DYNC2LI1: variants seen among roughly 807,000 people sequenced by gnomAD.
DYNC2LI1 encodes the protein dynein cytoplasmic 2 light intermediate chain 1, also known as cytoplasmic dynein 2 light intermediate chain 1.
In DYNC2LI1, 45 loss-of-function variants were observed where a neutral mutation model predicts 51.9. The ratio of observed to expected loss-of-function variants is 0.87; its 90% CI spans 0.68 to 1.11. The LOEUF (loss-of-function observed/expected upper bound fraction) is 1.11, where lower values mean the gene tolerates loss of function less well. Ranked by LOEUF, DYNC2LI1 falls within the 50% of genes most tolerant of loss-of-function variation. The pLI is 0.00. For synonymous variants in DYNC2LI1, 130 were observed against 137.8 expected, an observed-to-expected ratio of 0.94 and a Z score of 0.40; for missense variants, 490 against 417.4, an observed-to-expected ratio of 1.17 and a Z score of -1.51.
chr2:43,801,029 C>A, intron 9 of DYNC2LI1, 112 bp downstream of exon 9: 2 of 440,562 alleles, frequency 4.5e-6, no homozygotes, highest in Non-Finnish European at 7.9e-6. Context: ...GAAAGTGACC[C>A]AGATGGCTTT....
At chr2:43,826,571 C>T in the DYNC2LI1 span, 2 of 1,613,534 alleles carry the variant, frequency 1.2e-6, no homozygotes, top group Middle Eastern at 1.7e-4. Flanking sequence ...AGCCCAGGCT[C>T]TGTGCTTAAA....
intron 4 of DYNC2LI1, among the ~76,000 whole-genome samples, chr2:43,787,460 T>G (rs17031527): frequency 0.022 from 3,310 of 152,326 alleles, 82 homozygotes; most frequent in African/African-American, 0.062. Context: ...TTATTATGTC[T>G]TAAAATGCTA....
At chr2:43,787,658 C>T (rs761745729) in intron 4 of DYNC2LI1, among the ~76,000 whole-genome samples, 2 of 152,084 alleles carry the variant, frequency 1.3e-5, no homozygotes, top group Admixed American at 6.6e-5. Context: ...TAGTTGAGGT[C>T]ATATGCCCTG....
At chr2:43,826,051 C>T in the DYNC2LI1 span, among the ~76,000 whole-genome samples, 10 of 152,308 alleles carry the variant, frequency 6.6e-5, no homozygotes, top group African/African-American at 2.4e-4. Flanking sequence ...TCACGACTCC[C>T]TGCAGCCTTG....
chr2:43,794,528 T>C lies in DYNC2LI1; in HGVS notation c.392T>C (p.Leu131Ser). The change falls in exon 6 of 13, where the codon TTG (leucine) becomes TCG (serine). Residue 131 changes from leucine (L) to serine (S), a missense_variant. Transcript: ENST00000260605. ...CTCTGGCCCACCATGGAAAATCTCT[T>C]GCAAGCCACAAAAAGCCATGTAGAC... ...NDLWPTMENL[L>S]QATKSHVDKV... is the part of the protein sequence containing the mutation. The C allele has an allele frequency of 6.2e-7, 1 of 1,614,048 alleles. No individual in the cohort carries two copies. The highest frequency in any genetic ancestry group is 1.3e-5 in the African/African-American group (1 of 75,040).
chr2:43,774,218 A>G (rs1572688041), intron 1 of DYNC2LI1, 72 bp downstream of exon 1: 2 of 1,595,740 alleles, frequency 1.3e-6, no homozygotes, highest in Non-Finnish European at 1.7e-6. Flanking sequence ...CCCAGGCGGG[A>G]CCAGCTGTTG....
At chr2:43,792,131 T>C (rs1258481115) in intron 5 of DYNC2LI1, among the ~76,000 whole-genome samples, 2 of 152,120 alleles carry the variant, frequency 1.3e-5, no homozygotes, top group Non-Finnish European at 2.9e-5. Context: ...AAAATGTATA[T>C]ACTATTTTTA....
intron 10 of DYNC2LI1, among the ~76,000 whole-genome samples, chr2:43,804,036 G>A (rs17031599): frequency 0.42 from 64,378 of 151,962 alleles, 15,532 homozygotes; most frequent in African/African-American, 0.66. Context: ...TTGCTTTAAT[G>A]TAATTATGTG....
At chr2:43,796,142 G>T (rs978760855) in intron 7 of DYNC2LI1, among the ~76,000 whole-genome samples, 184 bp downstream of exon 7, 23 of 152,120 alleles carry the variant, frequency 1.5e-4, no homozygotes, top group Admixed American at 3.9e-4. Flanking sequence ...GAAAATAAAT[G>T]CAGTGATTAG....
intron 3 of DYNC2LI1, among the ~76,000 whole-genome samples, chr2:43,784,477 T>A (rs936944572): frequency 1.2e-4 from 19 of 152,276 alleles, no homozygotes; most frequent in African/African-American, 4.3e-4. Context: ...TTCGCTCTTG[T>A]TGCCCAGGCT....
chr2:43,811,811 G>T (rs887270949), downstream of DYNC2LI1, among the ~76,000 whole-genome samples: 2 of 152,048 alleles, frequency 1.3e-5, no homozygotes, highest in African/African-American at 4.8e-5. Context: ...GGCCAGGATG[G>T]TCTCAATCTC....
chr2:43,788,611 T>TTTTTC (rs1028798472), intron 4 of DYNC2LI1, among the ~76,000 whole-genome samples: 25 of 152,132 alleles, frequency 1.6e-4, no homozygotes, highest in Admixed American at 3.9e-4. Context: ...TCAGTGGTCC[T>TTTTTC]TTTTCTTTTC....
At chr2:43,798,313 T>C (rs1665958510) in intron 8 of DYNC2LI1, among the ~76,000 whole-genome samples, 1 of 152,224 alleles carries the variant, frequency 6.6e-6, no homozygotes, top group African/African-American at 2.4e-5. Context: ...CATTTCATTA[T>C]GTATTTTCTT....
intron 12 of DYNC2LI1, chr2:43,805,462 C>G (rs142387034): frequency 3.6e-6 from 1 of 279,632 alleles, no homozygotes; most frequent in Non-Finnish European, 6.6e-6. Flanking sequence ...TTTTAAATCA[C>G]CTGTCATCCC....
chr2:43,828,053 G>A, the DYNC2LI1 span: 11 of 1,614,158 alleles, frequency 6.8e-6, no homozygotes, highest in Non-Finnish European at 9.3e-6. Flanking sequence ...CCCCCAAGCT[G>A]TAGTTGCCAA....
At chr2:43,805,920 C>T (rs1442395525) in intron 12 of DYNC2LI1, among the ~76,000 whole-genome samples, 1 of 151,076 alleles carries the variant, frequency 6.6e-6, no homozygotes, top group African/African-American at 2.4e-5. Context: ...CTCACACTGT[C>T]GCCCAGGCTG....
At chr2:43,774,273 G>A in intron 1 of DYNC2LI1, 127 bp downstream of exon 1, 1 of 1,255,174 alleles carries the variant, frequency 8.0e-7, no homozygotes. Flanking sequence ...ATGCAGGGTC[G>A]GGGACCTAGG....
downstream of DYNC2LI1, chr2:43,813,032 A>G: frequency 2.7e-6 from 2 of 741,782 alleles, no homozygotes; most frequent in Middle Eastern, 2.3e-4. Context: ...CAAGAAAGAA[A>G]TACATGGCAC....
intron 4 of DYNC2LI1, among the ~76,000 whole-genome samples, 192 bp from the exon 5 acceptor site, chr2:43,789,441 T>G (rs188962685): frequency 7.2e-5 from 11 of 152,304 alleles, no homozygotes; most frequent in Admixed American, 7.2e-4. Context: ...CAATTCTGAA[T>G]AGTTCATCAT....
Sources: gnomAD v4.1 joint callset for allele counts (sites outside exome capture counted in the v4.1 genomes callset) on GRCh38, gnomAD v4.1.1 for gene constraint, MANE v1.5 for transcripts, NCBI Gene and HGNC (gene_info 2026-07-23, HGNC 2026-07-21) for gene names.